The following ATRNL1 variants were observed in gnomAD, a reference collection of about 807,000 sequenced individuals.
ATRNL1 encodes the protein attractin like 1.
Under a neutral mutation model 182.7 loss-of-function variants are expected in ATRNL1, and 95 were observed. The observed-to-expected ratio is 0.52, with a 90% CI of 0.44 to 0.62. The LOEUF is 0.62. ATRNL1 is among the 20% of genes least tolerant of loss of function. The pLI, the probability that ATRNL1 is intolerant of heterozygous loss-of-function variation, is 0.00. For missense variants in ATRNL1, 1,471 were observed against 1,679.5 expected (o/e 0.88, Z 2.17); for synonymous variants, 576 against 568.3 (o/e 1.01, Z -0.19).
At chr10:115,522,141 T>C (rs1432516514) in intron 25 of ATRNL1, among the ~76,000 whole-genome samples, 2 of 152,340 alleles carry the variant, frequency 1.3e-5, no homozygotes, top group East Asian at 3.9e-4. Flanking sequence ...TAATGTTTTA[T>C]GCCATCTTAA....
chr10:115,533,161 A>C (rs1423188519), intron 25 of ATRNL1, among the ~76,000 whole-genome samples: 5 of 152,102 alleles, frequency 3.3e-5, no homozygotes, highest in Non-Finnish European at 7.4e-5. Context: ...TGATTGGAAT[A>C]GTTTCAGAAG....
chr10:115,254,867 T>C (rs1422028356), intron 10 of ATRNL1, among the ~76,000 whole-genome samples: 4 of 152,224 alleles, frequency 2.6e-5, no homozygotes, highest in Non-Finnish European at 4.4e-5. Context: ...TAGCCAGTTT[T>C]CCCAGCACCA....
rs782745984 is a variant in ATRNL1 at position 115,158,957 on chromosome 10, T to C, written c.830-1083T>C. Reference sequence around the variant, plus strand: ...GTGAAGGGTAAATGATTATATGCCATAGTATATGAATTTAAAAGATTTGTA... The same window carrying C: ...GTGAAGGGTAAATGATTATATGCCACAGTATATGAATTTAAAAGATTTGTA... On this transcript the variant is annotated intron_variant, in intron 5 of 28. Transcript: ENST00000355044. Among the ~76,000 whole-genome samples the C allele has an allele frequency of 4.5e-4, 69 of 151,758 alleles. 1 individual carries two copies. The highest frequency in any genetic ancestry group is 1.6e-4 in the Non-Finnish European group (11 of 67,774).
intron 26 of ATRNL1, among the ~76,000 whole-genome samples, chr10:115,652,722 A>G (rs1024464147): frequency 1.2e-4 from 19 of 152,076 alleles, no homozygotes; most frequent in Non-Finnish European, 1.5e-4. Flanking sequence ...TTTACTTTTA[A>G]GAGAACATTA....
At chr10:115,229,194 T>C (rs1849823908) in intron 9 of ATRNL1, among the ~76,000 whole-genome samples, 1 of 152,150 alleles carries the variant, frequency 6.6e-6, no homozygotes, top group African/African-American at 2.4e-5. Flanking sequence ...AAAAATGTTT[T>C]CATAGGCCAC....
chr10:115,255,665 C>A (rs1417779241), intron 10 of ATRNL1, among the ~76,000 whole-genome samples: 7 of 152,118 alleles, frequency 4.6e-5, no homozygotes, highest in African/African-American at 1.4e-4. Flanking sequence ...CCAGAACTTG[C>A]AACACTATGT....
intron 19 of ATRNL1, among the ~76,000 whole-genome samples, chr10:115,387,892 C>G (rs1158213945): frequency 2.0e-5 from 3 of 152,066 alleles, no homozygotes; most frequent in African/African-American, 7.2e-5. Context: ...TACTGTAAAT[C>G]TACTACTTAT....
At chr10:115,848,599 T>C (rs2134357880) in intron 28 of ATRNL1, among the ~76,000 whole-genome samples, 1 of 152,262 alleles carries the variant, frequency 6.6e-6, no homozygotes, top group South Asian at 2.1e-4. Context: ...GAAAAGCATG[T>C]TTTTGATTTC....
intron 20 of ATRNL1, among the ~76,000 whole-genome samples, chr10:115,417,789 T>C (rs1485735205): frequency 6.6e-6 from 1 of 152,190 alleles, no homozygotes; most frequent in Non-Finnish European, 1.5e-5. Context: ...CCATCTGCCC[T>C]GCAGAGCCCT....
intron 28 of ATRNL1, among the ~76,000 whole-genome samples, chr10:115,928,130 T>C (rs1227178378): frequency 6.6e-6 from 1 of 152,122 alleles, no homozygotes; most frequent in Non-Finnish European, 1.5e-5. Flanking sequence ...TATCATTACA[T>C]CTCATTTTGC....
At chr10:115,648,674 A>G (rs1351377413) in intron 26 of ATRNL1, among the ~76,000 whole-genome samples, 1 of 152,304 alleles carries the variant, frequency 6.6e-6, no homozygotes, top group African/African-American at 2.4e-5. Context: ...GTTACTTCCT[A>G]TCATTAACTC....
intron 19 of ATRNL1, among the ~76,000 whole-genome samples, chr10:115,336,100 T>C (rs1023951020): frequency 1.4e-4 from 21 of 152,358 alleles, no homozygotes; most frequent in Admixed American, 1.0e-3. Flanking sequence ...ATGGTATTAC[T>C]TTGATCCTCA....
At chr10:115,437,581 T>G (rs947529950) in intron 21 of ATRNL1, among the ~76,000 whole-genome samples, 1 of 152,024 alleles carries the variant, frequency 6.6e-6, no homozygotes, top group African/African-American at 2.4e-5. Context: ...CAAATAGTTG[T>G]ATTTATAATC....
At chr10:115,910,230 A>G (rs200935708) in intron 28 of ATRNL1, among the ~76,000 whole-genome samples, 180 of 152,298 alleles carry the variant, frequency 1.2e-3, no homozygotes, top group African/African-American at 3.8e-3. Flanking sequence ...GTCAGAGGAA[A>G]GGGGCTGCTG....
intron 17 of ATRNL1, among the ~76,000 whole-genome samples, chr10:115,311,739 CTCTT>C (rs1443775634): frequency 6.6e-6 from 1 of 152,132 alleles, no homozygotes; most frequent in East Asian, 1.9e-4. Context: ...TGCTGTCTAT[CTCTT>C]TCTTAGGTCT....
intron 28 of ATRNL1, among the ~76,000 whole-genome samples, chr10:115,879,305 C>CAAAAAAAAAAAAA (rs140716871): frequency 9.3e-6 from 1 of 107,992 alleles, no homozygotes; most frequent in East Asian, 2.5e-4. Flanking sequence ...CTCTCTATCT[C>CAAAAAAAAAAAAA]AAAAAAAAAA....
chr10:115,532,401 G>A (rs1308714598), intron 25 of ATRNL1, among the ~76,000 whole-genome samples: 1 of 152,070 alleles, frequency 6.6e-6, no homozygotes, highest in Non-Finnish European at 1.5e-5. Flanking sequence ...ATTGTGAATG[G>A]GAGTTCACTC....
At chr10:115,606,006 G>T (rs977802115) in intron 26 of ATRNL1, among the ~76,000 whole-genome samples, 1 of 151,882 alleles carries the variant, frequency 6.6e-6, no homozygotes, top group Non-Finnish European at 1.5e-5. Flanking sequence ...TGTGGGGATA[G>T]GGAGAAAAAG....
rs543366780 is a variant in ATRNL1 at position 115,383,206 on chromosome 10, C to T, written c.3176-11453C>T. Among the ~76,000 whole-genome samples, 7 of 149,348 alleles carry T rather than the reference C, an allele frequency of 4.7e-5. No individual in the cohort carries two copies. In the South Asian group the frequency reaches 1.5e-3, roughly 31 times the overall value. ...TTGTATGTGAAACCAACTTTATTTT[C>T]CTAGGATAAAGCCCACTGGATCATG... On this transcript the variant is annotated intron_variant, in intron 19 of 28. Transcript: ENST00000355044.
Sources: allele counts gnomAD v4.1 joint callset (sites outside exome capture counted in the v4.1 genomes callset), GRCh38; gene constraint gnomAD v4.1.1; transcripts MANE v1.5; gene names NCBI Gene and HGNC (gene_info 2026-07-23, HGNC 2026-07-21).